Variants in ELOVL5 observed in about 807,000 individuals in gnomAD.
ELOVL5 encodes the protein very long chain fatty acid elongase 5.
A neutral mutation model predicts 38.6 loss-of-function variants in ELOVL5; 8 were observed. The observed-to-expected ratio is 0.21, with a 90% CI of 0.12 to 0.37. The LOEUF is 0.37. Among genes scored for constraint, ELOVL5 ranks in the 10% least tolerant of loss-of-function variants. ELOVL5 has a pLI of 1.00. For missense variants in ELOVL5, 280 were observed against 367.8 expected (o/e 0.76, Z 1.95); for synonymous variants, 127 against 133.7 (o/e 0.95, Z 0.34).
chr6:53,272,396 C>T (rs1390808638), intron 6 of ELOVL5, among the ~76,000 whole-genome samples: 2 of 152,008 alleles, frequency 1.3e-5, no homozygotes, highest in Non-Finnish European at 2.9e-5. Context: ...CTCGACCTCC[C>T]AAAATGCTGT....
chr6:53,324,251 T>G (rs1396533263), intron 1 of ELOVL5, among the ~76,000 whole-genome samples: 1 of 18,004 alleles, frequency 5.6e-5, no homozygotes, highest in Non-Finnish European at 1.0e-4. Flanking sequence ...AGACTCTACC[T>G]CAAAAAAAAA....
chr6:53,320,602 C>T (rs892832897), intron 1 of ELOVL5, among the ~76,000 whole-genome samples: 1 of 151,950 alleles, frequency 6.6e-6, no homozygotes, highest in Non-Finnish European at 1.5e-5. Flanking sequence ...GGATTACAGG[C>T]GTGAGCCACC....
intron 1 of ELOVL5, among the ~76,000 whole-genome samples, chr6:53,303,869 C>T (rs1297484011): frequency 1.3e-5 from 2 of 152,202 alleles, no homozygotes; most frequent in African/African-American, 2.4e-5. Context: ...GAGAGTCACA[C>T]CAGTGGCTGT....
intron 1 of ELOVL5, among the ~76,000 whole-genome samples, chr6:53,335,936 G>C (rs751008131): frequency 3.3e-5 from 5 of 152,132 alleles, no homozygotes; most frequent in Non-Finnish European, 5.9e-5. Flanking sequence ...ACAGACGTAT[G>C]ATGAGCAAGG....
chr6:53,325,130 C>T (rs566245285), intron 1 of ELOVL5, among the ~76,000 whole-genome samples: 2 of 152,298 alleles, frequency 1.3e-5, no homozygotes, highest in East Asian at 3.9e-4. Context: ...TCCTATCCTA[C>T]TAATAAGTTT....
chr6:53,295,203 T>C (rs963246291), intron 2 of ELOVL5, among the ~76,000 whole-genome samples: 2 of 152,188 alleles, frequency 1.3e-5, no homozygotes, highest in African/African-American at 2.4e-5. Context: ...TTCTAAAAGA[T>C]ACAGCAAGTA....
chr6:53,309,607 G>C (rs1164860186), intron 1 of ELOVL5, among the ~76,000 whole-genome samples: 1 of 152,172 alleles, frequency 6.6e-6, no homozygotes, highest in Non-Finnish European at 1.5e-5. Flanking sequence ...CGATGAACCA[G>C]GGTTGTGTGT....
At chr6:53,314,745 A>G (rs553823001) in intron 1 of ELOVL5, among the ~76,000 whole-genome samples, 1 of 152,338 alleles carries the variant, frequency 6.6e-6, no homozygotes, top group South Asian at 2.1e-4. Flanking sequence ...AAATCAGCAC[A>G]AACTAACAAC....
At chr6:53,336,559 G>A (rs1441906241) in intron 1 of ELOVL5, among the ~76,000 whole-genome samples, 3 of 152,216 alleles carry the variant, frequency 2.0e-5, no homozygotes, top group Admixed American at 6.5e-5. Context: ...TATGCAGGAG[G>A]CTGAAGTAGG....
chr6:53,308,571 T>G (rs570500977), intron 1 of ELOVL5, among the ~76,000 whole-genome samples: 1 of 152,332 alleles, frequency 6.6e-6, no homozygotes, highest in South Asian at 2.1e-4. Flanking sequence ...ATCAGGTTTT[T>G]GGGATCCAAT....
At chr6:53,324,691 A>AAAAC (rs70980840) in intron 1 of ELOVL5, among the ~76,000 whole-genome samples, 1 of 118,104 alleles carries the variant, frequency 8.5e-6, no homozygotes, top group African/African-American at 3.7e-5. Flanking sequence ...AAAAAAAAAA[A>AAAAC]GGAAAAGAAA....
intron 1 of ELOVL5, among the ~76,000 whole-genome samples, chr6:53,348,415 C>A (rs1014173679): frequency 6.6e-6 from 1 of 152,140 alleles, no homozygotes; most frequent in Non-Finnish European, 1.5e-5. Flanking sequence ...TCTCCCGCCG[C>A]GCGCTCCGGC....
At chr6:53,289,720 A>G (rs1201167685) in intron 3 of ELOVL5, among the ~76,000 whole-genome samples, 2 of 152,182 alleles carry the variant, frequency 1.3e-5, no homozygotes, top group East Asian at 3.9e-4. Flanking sequence ...AACTGTCTCA[A>G]AACAAACAAA....
At chr6:53,272,138 T>C (rs1482543200) in intron 6 of ELOVL5, among the ~76,000 whole-genome samples, 4 of 152,190 alleles carry the variant, frequency 2.6e-5, no homozygotes, top group Admixed American at 6.5e-5. Flanking sequence ...TTTTTAAATA[T>C]TGAAAAATCA....
intron 1 of ELOVL5, among the ~76,000 whole-genome samples, chr6:53,324,650 G>T (rs1768443548): frequency 7.4e-6 from 1 of 135,992 alleles, no homozygotes; most frequent in Non-Finnish European, 1.5e-5. Flanking sequence ...ATTCCAGCCT[G>T]GTGACAAGAG....
chr6:53,290,843 A>C (rs1191207058), intron 3 of ELOVL5, among the ~76,000 whole-genome samples: 1 of 152,058 alleles, frequency 6.6e-6, no homozygotes, highest in Non-Finnish European at 1.5e-5. Context: ...TCATGTTTCT[A>C]TCTCTCCTCT....
chr6:53,339,482 A>C (rs898210418), intron 1 of ELOVL5, among the ~76,000 whole-genome samples: 1 of 152,208 alleles, frequency 6.6e-6, no homozygotes, highest in African/African-American at 2.4e-5. Context: ...TATCAAAATG[A>C]CTTAATGTCA....
At chr6:53,329,548 G>A (rs991929340) in intron 1 of ELOVL5, among the ~76,000 whole-genome samples, 2 of 152,086 alleles carry the variant, frequency 1.3e-5, no homozygotes, top group Non-Finnish European at 2.9e-5. Flanking sequence ...TGTCGGTCAG[G>A]TGCAGTGGTT....
intron 1 of ELOVL5, among the ~76,000 whole-genome samples, chr6:53,332,254 T>C (rs16883757): frequency 0.012 from 1,861 of 152,280 alleles, 39 homozygotes; most frequent in African/African-American, 0.042. Flanking sequence ...TCAAGTTACA[T>C]TCAGTATGGT....
Sources: allele counts gnomAD v4.1 joint callset (sites outside exome capture counted in the v4.1 genomes callset), GRCh38; gene constraint gnomAD v4.1.1; transcripts MANE v1.5; gene names NCBI Gene and HGNC (gene_info 2026-07-23, HGNC 2026-07-21).